The following TAOK2 variants were observed in gnomAD, a reference collection of about 807,000 sequenced individuals.
TAOK2 encodes serine/threonine-protein kinase TAO2.
TAOK2 carries 42 observed loss-of-function variants against 122.5 expected under a neutral mutation model. That is an observed-to-expected ratio of 0.34 (90% CI 0.27 to 0.44). TAOK2 has a LOEUF of 0.44. Among genes scored for constraint, TAOK2 ranks in the 20% least tolerant of loss-of-function variants. The pLI, the probability that TAOK2 is intolerant of heterozygous loss-of-function variation, is 1.00. For missense variants in TAOK2, 1,264 were observed against 1,644.9 expected, an observed-to-expected ratio of 0.77 and a Z score of 4.01; for synonymous variants, 704 against 677.6, an observed-to-expected ratio of 1.04 and a Z score of -0.61.
chr16:29,986,745 A>G lies in TAOK2; in HGVS notation c.2473A>G (p.Ser825Gly). Residue 825 changes from serine (S) to glycine (G), a missense_variant, in exon 16 of 16, where the codon AGT becomes GGT. Around this residue, in one of 4 missense-constraint regions of TAOK2, gnomAD observed 824 missense variants for 908.7 expected, o/e 0.91. Transcript: ENST00000308893. The surrounding 1 kb of genome is among the most constrained non-coding windows in gnomAD (Gnocchi z 4.2). ...RILGEESGAP[S>G]PSPQKHGSLV... ...TCTGGGGGAAGAATCAGGAGCCCCT[A>G]GTCCCAGTCCACAAAAACATGGGAG... 1 of 1,614,050 alleles carries G rather than the reference A, an allele frequency of 6.2e-7. No homozygotes were observed.
In TAOK2 at chr16:29,987,661, C is replaced by T; in HGVS notation, c.3389C>T (p.Pro1130Leu). The change falls in exon 16 of 16, where the codon CCT becomes CTT. Residue 1130 changes from proline (P) to leucine (L), a missense_variant. Physicochemically the swap from Pro to Leu is moderately conservative, Grantham distance 98. Coordinates refer to ENST00000308893, the MANE Select transcript of TAOK2 (RefSeq NM_016151.4). ...KDGFRSRLPV[P>L]GPRRRNPRTT... ...GGCTTCCGCAGCCGCCTGCCCGTCC[C>T]TGGGCCCCGGCGGCGTAATCCCCGC... The T allele has an allele frequency of 1.2e-6, 2 of 1,613,790 alleles. No individual in the cohort carries two copies. Among genetic ancestry groups the T allele is most frequent in the Non-Finnish European group, 1.7e-6 (2 of 1,179,806 alleles).
chr16:29,979,481 T>G lies in TAOK2; in HGVS notation c.628T>G (p.Ser210Ala). 6 of 1,561,468 alleles carry G rather than the reference T, an allele frequency of 3.8e-6. No individual in the cohort carries two copies. Among genetic ancestry groups the G allele is most frequent in the Non-Finnish European group, 4.3e-6 (5 of 1,152,696 alleles). The change falls in exon 8 of 16, where the codon TCC becomes GCC. Residue 210 changes from serine to alanine, a missense_variant. Transcript: ENST00000308893. The surrounding 1 kb of genome is among the most constrained non-coding windows in gnomAD (Gnocchi z 4.1). ...GTACGATGGCAAAGTGGACGTCTGG[T>G]CCTTGGGGATAACCTGCATCGAGCT... ...GQYDGKVDVW[S>A]LGITCIELAE...
Position 29,979,512 on chromosome 16 carries a change from A to G in TAOK2, c.655+4A>G. The G allele has an allele frequency of 2.6e-6, 4 of 1,527,032 alleles. No individual in the cohort carries two copies. The highest frequency in any genetic ancestry group is 2.6e-5 in the South Asian group (2 of 76,808). The allele number at this position is 1,527,032 out of a possible 1,614,324, so 94.6% of individuals were successfully genotyped here. A position where few individuals can be genotyped will look rare whatever the true frequency, so the allele number is the denominator to read the frequency against. The stretch of plus-strand genomic sequence containing the variant: ...GGGATAACCTGCATCGAGCTGGGTA[A>G]GAACATCCTCCCTGTTCCCTCATCA... On this transcript the variant is annotated splice_donor_region_variant and intron_variant, in intron 8 of 15. Transcript: ENST00000308893. The surrounding 1 kb of genome is among the most constrained non-coding windows in gnomAD (Gnocchi z 4.1).
At chr16:29,978,578 G>A (rs893892639) in intron 4 of TAOK2, among the ~76,000 whole-genome samples, 1 of 152,162 alleles carries the variant, frequency 6.6e-6, no homozygotes, top group African/African-American at 2.4e-5. Context: ...GGCTGGAGAA[G>A]GTGGAGATTG....
At chr16:29,981,347 A>G (rs1371765823) in intron 8 of TAOK2, 5 of 575,486 alleles carry the variant, frequency 8.7e-6, no homozygotes, top group African/African-American at 1.9e-5. Context: ...TTATCAAGTT[A>G]TCTGCTCCCT....
intron 8 of TAOK2, 73 bp from the exon 9 acceptor site, chr16:29,981,588 C>T (rs745527639): frequency 2.8e-6 from 4 of 1,405,380 alleles, no homozygotes; most frequent in Non-Finnish European, 4.0e-6. Flanking sequence ...GAACCCAAGT[C>T]GTCTCAGTTC....
rs1334348832 is a variant in TAOK2, at chr16:29,979,184, G to A, written c.450-11G>A. The A allele has an allele frequency of 1.9e-6, 3 of 1,613,980 alleles. No individual in the cohort carries two copies. The highest frequency in any genetic ancestry group is 2.2e-5 in the East Asian group (1 of 44,900). On this transcript the variant is annotated splice_polypyrimidine_tract_variant and intron_variant, in intron 6 of 15. Transcript: ENST00000308893. The surrounding 1 kb of genome is among the most constrained non-coding windows in gnomAD (Gnocchi z 4.1). ...GACACATGTCTCATCCCTGTACTTT[G>A]CCTCTGGCAGGGATGTGAAGGCTGG...
chr16:29,991,602 G>A (rs1366335102), downstream of TAOK2: 4 of 1,441,936 alleles, frequency 2.8e-6, no homozygotes, highest in African/African-American at 4.4e-5. This position sits in a 1 kb window ranked among gnomAD's most constrained non-coding sequence, Gnocchi z 5.6. Context: ...AGCTGGGCAG[G>A]GCAGGGGTGG....
rs577446375 is a variant in TAOK2, at chr16:29,986,197, A to G, written c.1993-68A>G. On this transcript the variant is annotated intron_variant, in intron 15 of 15. Transcript: ENST00000308893. The surrounding 1 kb of genome is among the most constrained non-coding windows in gnomAD (Gnocchi z 4.2). The stretch of plus-strand genomic sequence containing the variant: ...TCCGCCATCCCCAGCTCCCTCTGCC[A>G]AGGAGCCCTGGCCTCTCACTTCCTT... 136 of 1,499,696 alleles carry G rather than the reference A, an allele frequency of 9.1e-5. No homozygotes were observed. The highest frequency in any genetic ancestry group is 1.8e-4 in the Middle Eastern group (1 of 5,538). The allele number at this position is 1,499,696 out of a possible 1,614,324, so 92.9% of individuals were successfully genotyped here.
In TAOK2 at chr16:29,979,607, G is replaced by A; in HGVS notation, c.655+99G>A. 9.9e-7 allele frequency: 1 copy of A among 1,009,556 alleles called. No homozygotes were observed. The highest frequency in any genetic ancestry group is 1.4e-6 in the Non-Finnish European group (1 of 711,434). 62.5% of individuals were successfully genotyped at this position (1,009,556 alleles called of 1,614,324 possible). ...CCTTCTCCTAGGGATGGGATCCCAG[G>A]CCTCCAAGTTCCTGTCCGTTGTGAC... On this transcript the variant is annotated intron_variant, in intron 8 of 15. Transcript: ENST00000308893. The surrounding 1 kb of genome is among the most constrained non-coding windows in gnomAD (Gnocchi z 4.1).
downstream of TAOK2, chr16:29,991,756 T>C: frequency 4.6e-6 from 3 of 657,990 alleles, no homozygotes; most frequent in Non-Finnish European, 6.7e-6. This position sits in a 1 kb window ranked among gnomAD's most constrained non-coding sequence, Gnocchi z 5.6. Context: ...TGGCGATAGG[T>C]GCCTCAAGGC....
chr16:29,988,289 T>G lies in TAOK2; in HGVS notation c.*309T>G, dbSNP rs2069878835. 6.8e-7 allele frequency: 1 copy of G among 1,463,794 alleles called. No individual in the cohort carries two copies. Among genetic ancestry groups the G allele is most frequent in the Admixed American group, 2.2e-5 (1 of 45,118 alleles). The allele number at this position is 1,463,794 out of a possible 1,614,324, so 90.7% of individuals were successfully genotyped here. A position where few individuals can be genotyped will look rare whatever the true frequency, so the allele number is the denominator to read the frequency against. On this transcript the variant is annotated 3_prime_UTR_variant, in exon 16 of 16. Transcript: ENST00000308893. The stretch of plus-strand genomic sequence containing the variant: ...GGTGGAGGGTGGGAAGAGTCATGTT[T>G]TTTTTCTCCTCTTTGATTTTGTTTT...
chr16:29,985,147 G>C lies in TAOK2; in HGVS notation c.1423-66G>C. The C allele has an allele frequency of 6.9e-7, 1 of 1,442,466 alleles. No homozygotes were observed. Among genetic ancestry groups the C allele is most frequent in the East Asian group, 2.4e-5 (1 of 41,280 alleles). 89.4% of individuals were successfully genotyped at this position (1,442,466 alleles called of 1,614,324 possible). ...AAAACCCATGCTCTTCCCCACGGAA[G>C]ACCCCTTGTGTTAATTAACTAGGGG... On this transcript the variant is annotated intron_variant, in intron 13 of 15. Coordinates refer to ENST00000308893, the MANE Select transcript of TAOK2 (RefSeq NM_016151.4). This position sits in a 1 kb window ranked among gnomAD's most constrained non-coding sequence, Gnocchi z 6.9.
At position 29,986,763 on chromosome 16, in the gene TAOK2, C is replaced by T; in HGVS notation, c.2491C>T (p.His831Tyr). 1 of 1,613,866 alleles carries T rather than the reference C, an allele frequency of 6.2e-7. No individual in the cohort carries two copies. The highest frequency in any genetic ancestry group is 1.1e-5 in the South Asian group (1 of 91,068). Reference sequence around the variant, plus strand: ...AGCCCCTAGTCCCAGTCCACAAAAACATGGGAGCCTGGTTGATGAGGAAGT... The same window carrying T: ...AGCCCCTAGTCCCAGTCCACAAAAATATGGGAGCCTGGTTGATGAGGAAGT... The part of the protein sequence containing the change: ...SGAPSPSPQK[H>Y]GSLVDEEVWG... Residue 831 changes from histidine to tyrosine, a missense_variant, in exon 16 of 16, where the codon CAT becomes TAT. Transcript: ENST00000308893. The surrounding 1 kb of genome is among the most constrained non-coding windows in gnomAD (Gnocchi z 4.2).
chr16:29,985,961 TC>T lies in TAOK2; in HGVS notation c.1992+101del. The stretch of plus-strand genomic sequence containing the variant: ...TTCTTGTCTTCTTTCTCCTTGGCCC[TC>T]GAGTGTTACAGTTCAGCTTTGCTTC... On this transcript the variant is annotated intron_variant, in intron 15 of 15. Coordinates refer to ENST00000308893, the MANE Select transcript of TAOK2 (RefSeq NM_016151.4). The surrounding 1 kb of genome is among the most constrained non-coding windows in gnomAD (Gnocchi z 6.9). The T allele has an allele frequency of 7.1e-7, 1 of 1,403,054 alleles. No individual in the cohort carries two copies. The highest frequency in any genetic ancestry group is 9.7e-7 in the Non-Finnish European group (1 of 1,026,024). 86.9% of individuals were successfully genotyped at this position (1,403,054 alleles called of 1,614,324 possible). A position where few individuals can be genotyped will look rare whatever the true frequency, so the allele number is the denominator to read the frequency against.
downstream of TAOK2, chr16:29,989,155 G>T: frequency 1.2e-5 from 12 of 984,906 alleles, no homozygotes; most frequent in Non-Finnish European, 1.3e-5. Context: ...GCTTGTTCTC[G>T]TGCACGTTCT....
downstream of TAOK2, chr16:29,990,708 C>A: frequency 6.8e-7 from 1 of 1,470,614 alleles, no homozygotes; most frequent in Non-Finnish European, 9.1e-7. Flanking sequence ...CCTTAGGGCC[C>A]AGGCCTACCT....
downstream of TAOK2, chr16:29,991,843 G>A (rs2069977226): frequency 1.1e-5 from 4 of 380,868 alleles, no homozygotes; most frequent in Admixed American, 4.5e-5. This position sits in a 1 kb window ranked among gnomAD's most constrained non-coding sequence, Gnocchi z 5.6. Context: ...AGATGTGCGT[G>A]TCAAATATTC....
downstream of TAOK2, chr16:29,989,962 T>C (rs1487470464): frequency 5.9e-6 from 4 of 680,158 alleles, no homozygotes; most frequent in Middle Eastern, 1.2e-3. Context: ...AATGATTTAT[T>C]TCATATTCTC....
Sources: allele counts gnomAD v4.1 joint callset (sites outside exome capture counted in the v4.1 genomes callset), GRCh38; gene constraint gnomAD v4.1.1; regional missense constraint gnomAD v4.1.1; non-coding constraint Gnocchi (gnomAD v3.1); transcripts MANE v1.5; gene names NCBI Gene and HGNC (gene_info 2026-07-23, HGNC 2026-07-21).